Variants in CUBN observed in about 807,000 individuals in gnomAD.
The protein encoded by CUBN is 460 kDa receptor.
Under a neutral mutation model 405.3 loss-of-function variants are expected in CUBN, and 282 were observed. The ratio of observed to expected loss-of-function variants is 0.70; its 90% CI spans 0.63 to 0.77. CUBN has a LOEUF of 0.77. CUBN is among the 30% of genes least tolerant of loss of function. CUBN has a pLI of 0.00. For synonymous variants in CUBN, 1,684 were observed against 1,617.0 expected, an observed-to-expected ratio of 1.04 and a Z score of -0.99; for missense variants, 4,514 against 4,475.2, an observed-to-expected ratio of 1.01 and a Z score of -0.25.
chr10:16,957,976 T>A (rs1347514055), intron 31 of CUBN, among the ~76,000 whole-genome samples: 1 of 151,916 alleles, frequency 6.6e-6, no homozygotes, highest in Non-Finnish European at 1.5e-5. Flanking sequence ...TTTAAAAAAA[T>A]TTTCTCCGAA....
intron 59 of CUBN, among the ~76,000 whole-genome samples, chr10:16,853,849 C>T (rs953751495): frequency 6.6e-6 from 1 of 152,070 alleles, no homozygotes; most frequent in Non-Finnish European, 1.5e-5. Context: ...AGCTTATTGG[C>T]ATGCGTAGCA....
At chr10:16,926,109 T>A (rs1357235491) in intron 41 of CUBN, among the ~76,000 whole-genome samples, 1 of 152,026 alleles carries the variant, frequency 6.6e-6, no homozygotes, top group Non-Finnish European at 1.5e-5. Context: ...GAAAAATGGA[T>A]GAGAGGAGGG....
chr10:17,045,322 G>T (rs969325072), intron 24 of CUBN, 134 bp from the exon 25 acceptor site: 16 of 848,244 alleles, frequency 1.9e-5, no homozygotes, highest in Non-Finnish European at 3.1e-5. Context: ...TCATGAAAGA[G>T]TAGTTATAGC....
intron 28 of CUBN, among the ~76,000 whole-genome samples, chr10:16,993,885 G>C (rs1323817402): frequency 6.6e-6 from 1 of 151,872 alleles, no homozygotes; most frequent in Non-Finnish European, 1.5e-5. Context: ...AAACAGTTAG[G>C]GCTTGAAATC....
chr10:17,013,936 G>A (rs1340822946), intron 28 of CUBN, among the ~76,000 whole-genome samples: 1 of 152,176 alleles, frequency 6.6e-6, no homozygotes, highest in Non-Finnish European at 1.5e-5. Context: ...CATAAATCTG[G>A]ACTATAATTT....
intron 31 of CUBN, among the ~76,000 whole-genome samples, chr10:16,961,834 C>T (rs1397846985): frequency 6.6e-6 from 1 of 150,700 alleles, no homozygotes; most frequent in East Asian, 2.0e-4. Flanking sequence ...GCCTCAGCCT[C>T]CTGAGTAGCT....
At chr10:16,925,480 C>A (rs753304374) in intron 42 of CUBN, 56 bp from the exon 43 acceptor site, 3 of 1,602,686 alleles carry the variant, frequency 1.9e-6, no homozygotes, top group Non-Finnish European at 2.6e-6. Flanking sequence ...AGAAGGAGTA[C>A]GCAATTCTTA....
In CUBN at chr10:17,102,299, A is replaced by ATTTG. The variant is rs1361855285; in HGVS notation, c.1530+825_1530+826insCAAA. On this transcript the variant is annotated intron_variant, in intron 13 of 66. Transcript: ENST00000377833. ...TATTTATTTATTTATTTATTTATTT[A>ATTTG]TTTTTGAGACAGAGTCTTGCTCTGT... 1.3e-4 allele frequency among the ~76,000 whole-genome samples: 18 copies of ATTTG among 134,124 alleles called. No homozygotes were observed. The East Asian group carries it at 2.8e-3, about 21-fold the overall frequency. 88.0% of individuals were successfully genotyped at this position (134,124 alleles called of 152,430 possible). A position where few individuals can be genotyped will look rare whatever the true frequency, so the allele number is the denominator to read the frequency against.
At position 17,109,644 on chromosome 10, in the gene CUBN, A is replaced by T; in HGVS notation, c.1107T>A (p.Thr369=). ...GCHPDASCSS[T]LGSLPLCTCL... is the part of the protein sequence containing the mutation. ...AAGAGAGAGATGAGTCATTACCTAG[A>T]GTTGAGGAGCATGAGGCATCTGGGT... The change falls in exon 10 of 67, where the codon ACT becomes ACA. Residue 369 remains threonine (T), a synonymous_variant. Transcript: ENST00000377833. The T allele has an allele frequency of 1.2e-6, 2 of 1,613,134 alleles. No homozygotes were observed. Among genetic ancestry groups the T allele is most frequent in the Non-Finnish European group, 1.7e-6 (2 of 1,179,178 alleles).
chr10:16,906,491 C>T (rs188466008), intron 49 of CUBN, 82 bp from the exon 50 acceptor site: 30 of 964,196 alleles, frequency 3.1e-5, no homozygotes, highest in African/African-American at 2.9e-4. Flanking sequence ...GGAACAGTAA[C>T]TAAAACATCA....
At chr10:16,914,667 A>G (rs1342630400) in intron 47 of CUBN, among the ~76,000 whole-genome samples, 1 of 152,262 alleles carries the variant, frequency 6.6e-6, no homozygotes, top group East Asian at 1.9e-4. Flanking sequence ...ACAAAAAAAA[A>G]AAAAAGAGGA....
chr10:16,845,127 C>G (rs953249284), intron 60 of CUBN, among the ~76,000 whole-genome samples: 1 of 152,166 alleles, frequency 6.6e-6, no homozygotes, highest in African/African-American at 2.4e-5. Context: ...ACGGCAAAAT[C>G]CCACATTTCA....
intron 4 of CUBN, among the ~76,000 whole-genome samples, chr10:17,125,149 A>G (rs964936611): frequency 3.9e-5 from 6 of 152,144 alleles, no homozygotes; most frequent in Non-Finnish European, 8.8e-5. Context: ...CTGCTTTTAA[A>G]AAGTTAAAAT....
intron 6 of CUBN, chr10:17,122,452 C>T: frequency 2.5e-6 from 1 of 392,498 alleles, no homozygotes; most frequent in Non-Finnish European, 5.1e-6. Flanking sequence ...CTACTTAAGG[C>T]CATTCAGTGG....
intron 48 of CUBN, among the ~76,000 whole-genome samples, chr10:16,912,846 A>C (rs1841771693): frequency 6.6e-6 from 1 of 152,214 alleles, no homozygotes; most frequent in South Asian, 2.1e-4. Flanking sequence ...GAGTTAGATG[A>C]GAAGCCATTA....
chr10:17,082,640 G>C (rs567960886), intron 17 of CUBN, among the ~76,000 whole-genome samples: 1 of 152,124 alleles, frequency 6.6e-6, no homozygotes, highest in African/African-American at 2.4e-5. Flanking sequence ...TTTTAGTCTC[G>C]TGATCGGAGA....
chr10:16,991,941 T>C (rs1216133344), intron 28 of CUBN, among the ~76,000 whole-genome samples: 9 of 152,174 alleles, frequency 5.9e-5, no homozygotes, highest in Non-Finnish European at 1.2e-4. Flanking sequence ...CACATGCACA[T>C]GTATGTTTAT....
chr10:16,900,944 T>C, intron 52 of CUBN, 94 bp from the exon 53 acceptor site: 1 of 922,074 alleles, frequency 1.1e-6, no homozygotes, highest in Non-Finnish European at 1.7e-6. Flanking sequence ...GTTTTTATTT[T>C]TATAATTTGT....
intron 60 of CUBN, among the ~76,000 whole-genome samples, chr10:16,849,223 G>A (rs1186271752): frequency 6.6e-6 from 1 of 151,974 alleles, no homozygotes; most frequent in African/African-American, 2.4e-5. Flanking sequence ...GAATCCCCCT[G>A]CCCCTTGACT....
Sources: gnomAD v4.1 joint callset for allele counts (sites outside exome capture counted in the v4.1 genomes callset) on GRCh38, gnomAD v4.1.1 for gene constraint, MANE v1.5 for transcripts, NCBI Gene and HGNC (gene_info 2026-07-23, HGNC 2026-07-21) for gene names.